Variants in SRRM4 observed in about 807,000 individuals in gnomAD.
SRRM4 encodes serine/arginine repetitive matrix protein 4.
Under a neutral mutation model 68.9 loss-of-function variants are expected in SRRM4, and 33 were observed. The ratio of observed to expected loss-of-function variants is 0.48; its 90% CI spans 0.36 to 0.64. The LOEUF is 0.64. SRRM4 is among the 30% of genes least tolerant of loss of function. SRRM4 has a pLI of 0.00. For missense variants in SRRM4, 817 were observed against 827.1 expected (o/e 0.99, Z 0.15); for synonymous variants, 318 against 318.8 (o/e 1.00, Z 0.03).
chr12:119,103,944 A>G (rs551306007), intron 2 of SRRM4, among the ~76,000 whole-genome samples: 1 of 152,204 alleles, frequency 6.6e-6, no homozygotes, highest in Non-Finnish European at 1.5e-5. Flanking sequence ...AGGAGGTTGC[A>G]GTGAGCCGAG....
intron 1 of SRRM4, among the ~76,000 whole-genome samples, chr12:119,072,590 A>G (rs1953884576): frequency 6.6e-6 from 1 of 151,238 alleles, no homozygotes; most frequent in Admixed American, 6.6e-5. Context: ...AAGGAGATTA[A>G]TCAGTCCATT....
intron 1 of SRRM4, among the ~76,000 whole-genome samples, chr12:119,016,735 C>T (rs964618663): frequency 1.3e-5 from 2 of 152,102 alleles, no homozygotes; most frequent in Admixed American, 1.3e-4. Flanking sequence ...ATTTTTACCT[C>T]TTTTACTATG....
intron 1 of SRRM4, among the ~76,000 whole-genome samples, chr12:119,014,382 C>T (rs187860427): frequency 4.6e-5 from 7 of 152,166 alleles, no homozygotes; most frequent in East Asian, 1.9e-4. Context: ...TCTCCTTCCC[C>T]GATCCCCACC....
At chr12:118,989,254 C>A (rs1953301274) in intron 1 of SRRM4, among the ~76,000 whole-genome samples, 1 of 152,152 alleles carries the variant, frequency 6.6e-6, no homozygotes, top group Admixed American at 6.5e-5. Flanking sequence ...ACAGCAATAT[C>A]AGAAGATTGG....
Position 119,141,945 on chromosome 12 carries a change from G to T in SRRM4, c.772-3436G>T, listed in dbSNP as rs200499954. On this transcript the variant is annotated intron_variant, in intron 8 of 12. Transcript: ENST00000267260. Reference sequence around the variant, plus strand: ...GATGAGAGAAGGCTTTCTAGAAGAGGTGATAGGACACCTGGAGGATGAATA... The same window carrying T: ...GATGAGAGAAGGCTTTCTAGAAGAGTTGATAGGACACCTGGAGGATGAATA... Among the ~76,000 whole-genome samples the T allele has an allele frequency of 4.6e-5, 7 of 152,226 alleles. No homozygotes were observed. In the East Asian group the frequency reaches 1.2e-3, roughly 25 times the overall value.
At chr12:119,091,579 G>A (rs1954014582) in intron 1 of SRRM4, among the ~76,000 whole-genome samples, 1 of 152,200 alleles carries the variant, frequency 6.6e-6, no homozygotes, top group Non-Finnish European at 1.5e-5. Context: ...CCATGTGCCA[G>A]ATACTAAGTG....
chr12:119,122,762 G>A (rs1411914700), intron 6 of SRRM4, among the ~76,000 whole-genome samples: 1 of 152,172 alleles, frequency 6.6e-6, no homozygotes, highest in Non-Finnish European at 1.5e-5. Context: ...GTGCACAGGG[G>A]TCGTATGGTG....
intron 2 of SRRM4, among the ~76,000 whole-genome samples, chr12:119,107,020 G>A (rs1052231189): frequency 1.3e-5 from 2 of 152,160 alleles, no homozygotes; most frequent in African/African-American, 4.8e-5. Context: ...TTAGCATGAA[G>A]GGTGGTTGAA....
chr12:119,155,493 G>A (rs1954466020), intron 12 of SRRM4, among the ~76,000 whole-genome samples: 1 of 152,232 alleles, frequency 6.6e-6, no homozygotes, highest in Non-Finnish European at 1.5e-5. Context: ...AAACCCTTGG[G>A]AGGCCAAGGC....
chr12:119,024,612 A>G lies in SRRM4; in HGVS notation c.131+42599A>G, dbSNP rs148087879. Among the ~76,000 whole-genome samples the G allele has an allele frequency of 3.7e-3, 556 of 152,202 alleles. 3 individuals carry two copies. Among genetic ancestry groups the G allele is most frequent in the African/African-American group, 0.012 (507 of 41,508 alleles). ...CCTAACAGGCAGCTTGTCAGCTTTG[A>G]TCTTTTAATCCAGGTTTCTCCAGAG... On this transcript the variant is annotated intron_variant, in intron 1 of 12. Coordinates refer to ENST00000267260, the MANE Select transcript of SRRM4 (RefSeq NM_194286.4).
chr12:118,998,266 G>A (rs1317431236), intron 1 of SRRM4, among the ~76,000 whole-genome samples: 2 of 37,066 alleles, frequency 5.4e-5, no homozygotes, highest in Non-Finnish European at 1.1e-4. Flanking sequence ...AGAGCAATAT[G>A]GCAAAAAAAA....
At chr12:119,124,887 C>T (rs568064064) in intron 6 of SRRM4, among the ~76,000 whole-genome samples, 1 of 152,300 alleles carries the variant, frequency 6.6e-6, no homozygotes, top group South Asian at 2.1e-4. Flanking sequence ...ATCTGTATTT[C>T]CACACTCACT....
In SRRM4 at chr12:119,153,594, A is replaced by C; in HGVS notation, c.1336A>C (p.Ser446Arg). ...CAAGTCTGGCAAGAGGAGCCCGCCC[A>C]GCAGAAGCTCTAGGTCCCGCCGCAG... Reference protein sequence around the residue: ...SSKSGKRSPPSRSSRSRRSPS... With the variant: ...SSKSGKRSPPRRSSRSRRSPS... Residue 446 changes from serine (S) to arginine (R), a missense_variant, in exon 11 of 13, where the codon AGC (serine) becomes CGC (arginine). Physicochemically the swap from Ser to Arg is moderately radical, Grantham distance 110. Coordinates refer to ENST00000267260, the MANE Select transcript of SRRM4 (RefSeq NM_194286.4). 1 of 1,575,674 alleles carries C rather than the reference A, an allele frequency of 6.3e-7. No homozygotes were observed. Among genetic ancestry groups the C allele is most frequent in the South Asian group, 1.2e-5 (1 of 85,450 alleles).
chr12:119,139,907 A>G (rs915841566), intron 8 of SRRM4, among the ~76,000 whole-genome samples: 2 of 152,154 alleles, frequency 1.3e-5, no homozygotes, highest in Non-Finnish European at 2.9e-5. Context: ...TATTATGGCT[A>G]CATAATAGTT....
At chr12:118,996,859 A>G (rs901829729) in intron 1 of SRRM4, among the ~76,000 whole-genome samples, 3 of 152,224 alleles carry the variant, frequency 2.0e-5, no homozygotes, top group Non-Finnish European at 4.4e-5. Context: ...GTGAGGTCCA[A>G]CTGTTTTCCT....
intron 1 of SRRM4, among the ~76,000 whole-genome samples, chr12:119,013,791 T>A (rs1953464321): frequency 6.6e-6 from 1 of 152,232 alleles, no homozygotes; most frequent in East Asian, 1.9e-4. Context: ...ACAGTACTAC[T>A]GTAAACATTT....
chr12:119,141,810 T>C (rs1365438), intron 8 of SRRM4, among the ~76,000 whole-genome samples: 8,966 of 152,232 alleles, frequency 0.059, 652 homozygotes, highest in African/African-American at 0.17. Context: ...ACTACTGTAC[T>C]GAGGAACAGG....
intron 1 of SRRM4, among the ~76,000 whole-genome samples, chr12:119,076,153 T>C (rs1253635304): frequency 2.6e-5 from 4 of 151,928 alleles, no homozygotes; most frequent in Non-Finnish European, 5.9e-5. Flanking sequence ...ATGGGAATAA[T>C]GATGATGATG....
At chr12:118,995,612 T>C (rs1292750753) in intron 1 of SRRM4, among the ~76,000 whole-genome samples, 2 of 152,212 alleles carry the variant, frequency 1.3e-5, no homozygotes, top group African/African-American at 4.8e-5. Context: ...CAAGTTTCCC[T>C]AGGAATGAGA....
Sources: gnomAD v4.1 joint callset for allele counts (sites outside exome capture counted in the v4.1 genomes callset) on GRCh38, gnomAD v4.1.1 for gene constraint, MANE v1.5 for transcripts, NCBI Gene and HGNC (gene_info 2026-07-23, HGNC 2026-07-21) for gene names.